The following ACACA variants were observed in gnomAD, a reference collection of about 807,000 sequenced individuals.
ACACA encodes the protein acetyl-CoA carboxylase 1.
A neutral mutation model predicts 296.1 loss-of-function variants in ACACA; 103 were observed. The observed-to-expected ratio is 0.35, with a 90% CI of 0.30 to 0.41. ACACA has a LOEUF of 0.41. Among genes scored for constraint, ACACA ranks in the 10% least tolerant of loss-of-function variants. ACACA has a pLI of 1.00. For missense variants in ACACA, 1,554 were observed against 2,989.7 expected, an observed-to-expected ratio of 0.52 and a Z score of 11.20; for synonymous variants, 953 against 1,038.6, an observed-to-expected ratio of 0.92 and a Z score of 1.58.
At chr17:37,404,719 C>T (rs186981645) in intron 1 of ACACA, among the ~76,000 whole-genome samples, 1 of 151,850 alleles carries the variant, frequency 6.6e-6, no homozygotes, top group East Asian at 1.9e-4. Flanking sequence ...GGATTACAGG[C>T]GCCCGTCACA....
At chr17:37,089,710 C>T (rs529073048) in intron 54 of ACACA, among the ~76,000 whole-genome samples, 4 of 152,262 alleles carry the variant, frequency 2.6e-5, no homozygotes, top group East Asian at 1.9e-4. Flanking sequence ...AGGATCAAGA[C>T]GTCCATAACC....
At chr17:37,089,417 C>A (rs1299763244) in intron 54 of ACACA, among the ~76,000 whole-genome samples, 1 of 152,172 alleles carries the variant, frequency 6.6e-6, no homozygotes, top group Non-Finnish European at 1.5e-5. Context: ...TTGAGAGAAC[C>A]AGTTAAAAGC....
chr17:37,104,992 C>T lies in ACACA; in HGVS notation c.6565+6539G>A, dbSNP rs1470000942. Among the ~76,000 whole-genome samples, 8 of 138,564 alleles carry T rather than the reference C, an allele frequency of 5.8e-5. No individual in the cohort carries two copies. In the East Asian group the frequency reaches 1.1e-3, roughly 18 times the overall value. The allele number at this position is 138,564 out of a possible 152,430, so 90.9% of individuals were successfully genotyped here. On this transcript the variant is annotated intron_variant, in intron 52 of 55. Coordinates refer to ENST00000616317, the MANE Select transcript of ACACA (RefSeq NM_198834.3). ...GCTAAAGAGAAACTCCCAGAGGAAA[C>T]GGCTGATTTCTGCAGCAGGAGGCAA...
chr17:37,221,647 T>C, intron 29 of ACACA, 77 bp downstream of exon 29: 7 of 1,195,896 alleles, frequency 5.9e-6, no homozygotes, highest in Non-Finnish European at 8.8e-6. Context: ...AACATGGAAT[T>C]GTCATACACA....
At chr17:37,287,478 T>C (rs977849948) in intron 3 of ACACA, among the ~76,000 whole-genome samples, 1 of 148,318 alleles carries the variant, frequency 6.7e-6, no homozygotes, top group African/African-American at 2.5e-5. Flanking sequence ...ACACCTGTAA[T>C]CCCAGCACTT....
chr17:37,171,553 A>G (rs1233064071), intron 41 of ACACA, among the ~76,000 whole-genome samples: 1 of 152,220 alleles, frequency 6.6e-6, no homozygotes, highest in Non-Finnish European at 1.5e-5. Context: ...CATATTTTTC[A>G]GCATGGCTTT....
In ACACA at chr17:37,129,298, T is replaced by C. The variant is rs564197118; in HGVS notation, c.5944+67A>G. 40 of 1,591,160 alleles carry C rather than the reference T, an allele frequency of 2.5e-5. No individual in the cohort carries two copies. In the African/African-American group the frequency reaches 4.0e-4, roughly 16 times the overall value. ...CACATGTGATTGTTCAGGAATTGGA[T>C]AGTGATTGAAAAGAACGCTAAAAGC... On this transcript the variant is annotated intron_variant, in intron 47 of 55. Transcript: ENST00000616317.
intron 35 of ACACA, among the ~76,000 whole-genome samples, chr17:37,199,596 C>T (rs936011116): frequency 1.3e-5 from 2 of 152,020 alleles, no homozygotes; most frequent in South Asian, 4.1e-4. Flanking sequence ...AAAATAGCAA[C>T]TTGGCTCTAT....
At position 37,225,251 on chromosome 17, in the gene ACACA, T is replaced by C. The variant is rs540749246; in HGVS notation, c.3361-146A>G. 2.8e-5 allele frequency: 18 copies of C among 652,020 alleles called. No homozygotes were observed. In the East Asian group the frequency reaches 5.4e-4, roughly 20 times the overall value. 40.4% of individuals were successfully genotyped at this position (652,020 alleles called of 1,614,324 possible). On this transcript the variant is annotated intron_variant, in intron 26 of 55. Transcript: ENST00000616317. Reference sequence around the variant, plus strand: ...AACAGAGACCAAGTAAAACAACTTCTAGGTCCTGTAACATAAAGCCAGTGC... The same window carrying C: ...AACAGAGACCAAGTAAAACAACTTCCAGGTCCTGTAACATAAAGCCAGTGC...
chr17:37,217,001 G>A (rs756175279), intron 29 of ACACA, among the ~76,000 whole-genome samples: 1 of 152,006 alleles, frequency 6.6e-6, no homozygotes, highest in African/African-American at 2.4e-5. Flanking sequence ...AGTGGCTCAC[G>A]CTCGTAATCC....
intron 42 of ACACA, among the ~76,000 whole-genome samples, chr17:37,157,220 C>T (rs1296182401): frequency 6.6e-6 from 1 of 152,176 alleles, no homozygotes. Flanking sequence ...GGAGCTGAGG[C>T]TATGAGACAT....
chr17:37,130,885 AT>A (rs113631842), intron 45 of ACACA, among the ~76,000 whole-genome samples: 32,906 of 151,392 alleles, frequency 0.22, 4,135 homozygotes, highest in Admixed American at 0.34. Context: ...AAAAAGGATT[AT>A]TTTTTTCCTT....
At chr17:37,103,849 C>T (rs1033478749) in intron 52 of ACACA, among the ~76,000 whole-genome samples, 2 of 152,126 alleles carry the variant, frequency 1.3e-5, no homozygotes, top group Non-Finnish European at 2.9e-5. Flanking sequence ...CCAGCCTGGG[C>T]AACAGAGCGA....
rs561905092 is a variant in ACACA at position 37,160,235 on chromosome 17, A to T, written c.5349+1546T>A. On this transcript the variant is annotated intron_variant, in intron 42 of 55. Coordinates refer to ENST00000616317, the MANE Select transcript of ACACA (RefSeq NM_198834.3). ...GTACAGAGGGAAAAAGTGCTGATGC[A>T]CAAAAGAGCAGGAGGAAGTGTTGAT... is the stretch of plus-strand genomic sequence containing the variant. Among the ~76,000 whole-genome samples, 6 of 152,362 alleles carry T rather than the reference A, an allele frequency of 3.9e-5. No homozygotes were observed. In the South Asian group the frequency reaches 1.0e-3, roughly 26 times the overall value.
At chr17:37,340,068 T>C (rs1597645312) in intron 1 of ACACA, among the ~76,000 whole-genome samples, 1 of 152,158 alleles carries the variant, frequency 6.6e-6, no homozygotes, top group East Asian at 1.9e-4. Context: ...TTTAAGAAAA[T>C]ATTAAACAAT....
intron 23 of ACACA, among the ~76,000 whole-genome samples, chr17:37,241,255 T>G (rs1483457105): frequency 6.6e-6 from 1 of 152,038 alleles, no homozygotes; most frequent in Non-Finnish European, 1.5e-5. Flanking sequence ...CCTTTAGTAT[T>G]AATAGCAACA....
In ACACA at chr17:37,194,053, C is replaced by A. The variant is rs746023278; in HGVS notation, c.4159-638G>T. ...TTGTAGGGCATTATACAAAAAAAAA[C>A]CCAATTTACTAGAACCTTATTAATT... On this transcript the variant is annotated intron_variant, in intron 35 of 55. Coordinates refer to ENST00000616317, the MANE Select transcript of ACACA (RefSeq NM_198834.3). Among the ~76,000 whole-genome samples, 239 of 152,038 alleles carry A rather than the reference C, an allele frequency of 1.6e-3. 1 individual carries two copies. The highest frequency in any genetic ancestry group is 2.7e-3 in the Non-Finnish European group (186 of 67,942).
At chr17:37,201,043 T>A (rs562789869) in intron 33 of ACACA, among the ~76,000 whole-genome samples, 6 of 152,326 alleles carry the variant, frequency 3.9e-5, no homozygotes, top group African/African-American at 1.2e-4. Context: ...AGGCATTTTT[T>A]AAAAACTCTC....
rs1349293575 is a variant in ACACA, at chr17:37,377,215, G to A, written c.38+29047C>T. 2.0e-5 allele frequency among the ~76,000 whole-genome samples: 3 copies of A among 152,088 alleles called. No individual in the cohort carries two copies. The East Asian group carries it at 5.8e-4, about 29-fold the overall frequency. ...TAGGAGGGAGAAGAGAAAATAAGCA[G>A]TATTTAAGGAAATGGGTTGGTTAGA... On this transcript the variant is annotated intron_variant, in intron 1 of 55. Transcript: ENST00000616317.
Sources: gnomAD v4.1 joint callset for allele counts (sites outside exome capture counted in the v4.1 genomes callset) on GRCh38, gnomAD v4.1.1 for gene constraint, MANE v1.5 for transcripts, NCBI Gene and HGNC (gene_info 2026-07-23, HGNC 2026-07-21) for gene names.